The following GRIK4 variants were observed in gnomAD, a reference collection of about 807,000 sequenced individuals.
The protein encoded by GRIK4 is glutamate ionotropic receptor kainate type subunit 4.
GRIK4 carries 40 observed loss-of-function variants against 104.9 expected under a neutral mutation model. The ratio of observed to expected loss-of-function variants is 0.38; its 90% CI spans 0.30 to 0.50. The LOEUF (loss-of-function observed/expected upper bound fraction) is 0.50. Among genes scored for constraint, GRIK4 ranks in the 20% least tolerant of loss-of-function variants. The pLI, the probability that GRIK4 is intolerant of heterozygous loss-of-function variation, is 0.93. For missense variants in GRIK4, 1,047 were observed against 1,308.1 expected (o/e 0.80, Z 3.08); for synonymous variants, 485 against 524.9 (o/e 0.92, Z 1.04).
intron 3 of GRIK4, among the ~76,000 whole-genome samples, chr11:120,702,540 G>C (rs1222115988): frequency 6.6e-6 from 1 of 152,028 alleles, no homozygotes. Flanking sequence ...AAGAGGACAA[G>C]GACAGAGCTC....
rs1485463780 is a variant in GRIK4 at position 120,986,006 on chromosome 11, C to T, written c.2617C>T (p.Pro873Ser). Reference sequence around the variant, plus strand: ...GCGCGCCGCAGTCCCGCCGCCCCGGCCCCCCATCCCCGAGGAGCGCCGACC... The same window carrying T: ...GCGCGCCGCAGTCCCGCCGCCCCGGTCCCCCATCCCCGAGGAGCGCCGACC... ...RRRAAVPPPR[P>S]PIPEERRPRG... Residue 873 changes from proline to serine, a missense_variant, in exon 21 of 21, where the codon CCC becomes TCC. Around this residue, in one of 3 missense-constraint regions of GRIK4, gnomAD observed 160 missense variants for 140.9 expected, o/e 1.14. Coordinates refer to ENST00000527524, the MANE Select transcript of GRIK4 (RefSeq NM_014619.5). 2.2e-5 allele frequency: 34 copies of T among 1,528,290 alleles called. 1 individual carries two copies. In the East Asian group the frequency reaches 2.6e-4, roughly 12 times the overall value. The allele number at this position is 1,528,290 out of a possible 1,614,324, so 94.7% of individuals were successfully genotyped here.
At chr11:120,534,136 G>A (rs1440500196) in intron 1 of GRIK4, among the ~76,000 whole-genome samples, 5 of 152,170 alleles carry the variant, frequency 3.3e-5, no homozygotes, top group African/African-American at 1.2e-4. Context: ...AAAGGAGGTA[G>A]AATCGCAGGA....
chr11:120,863,082 C>T (rs1954304881), intron 9 of GRIK4, among the ~76,000 whole-genome samples: 1 of 152,182 alleles, frequency 6.6e-6, no homozygotes, highest in Admixed American at 6.5e-5. Context: ...TATTTTTAAC[C>T]TCTGTTCCAC....
At chr11:120,814,054 A>G (rs1310217351) in intron 4 of GRIK4, among the ~76,000 whole-genome samples, 1 of 152,124 alleles carries the variant, frequency 6.6e-6, no homozygotes, top group Non-Finnish European at 1.5e-5. Context: ...CTCTGATTAC[A>G]CATCCCATTC....
intron 1 of GRIK4, among the ~76,000 whole-genome samples, chr11:120,551,976 C>T (rs988723820): frequency 9.2e-5 from 14 of 152,100 alleles, no homozygotes; most frequent in Non-Finnish European, 1.3e-4. Flanking sequence ...CCTCACCCTA[C>T]GTATCTCTTC....
intron 8 of GRIK4, among the ~76,000 whole-genome samples, chr11:120,848,124 C>G (rs1953893525): frequency 6.6e-6 from 1 of 152,196 alleles, no homozygotes; most frequent in African/African-American, 2.4e-5. Flanking sequence ...GAGAAACTCC[C>G]TCCTGGAGGA....
At chr11:120,758,096 C>T (rs926399151) in intron 3 of GRIK4, among the ~76,000 whole-genome samples, 3 of 152,174 alleles carry the variant, frequency 2.0e-5, no homozygotes, top group African/African-American at 7.2e-5. Context: ...CCTTAAGGCT[C>T]AGTGCAGCAC....
At chr11:120,935,898 A>C (rs994748305) in intron 13 of GRIK4, among the ~76,000 whole-genome samples, 2 of 152,100 alleles carry the variant, frequency 1.3e-5, no homozygotes, top group Non-Finnish European at 2.9e-5. Flanking sequence ...AAAAAAAGAC[A>C]CTGTACAGTT....
At chr11:120,538,794 G>A (rs537931063) in intron 1 of GRIK4, among the ~76,000 whole-genome samples, 1 of 152,340 alleles carries the variant, frequency 6.6e-6, no homozygotes, top group South Asian at 2.1e-4. Context: ...TATTGACAAG[G>A]AAGTCTGTAG....
At chr11:120,837,606 C>A (rs1953607326) in intron 8 of GRIK4, among the ~76,000 whole-genome samples, 1 of 152,016 alleles carries the variant, frequency 6.6e-6, no homozygotes, top group Non-Finnish European at 1.5e-5. Flanking sequence ...GCACACAGCT[C>A]CAGAAATAGA....
At chr11:120,945,500 G>A (rs538918153) in intron 14 of GRIK4, among the ~76,000 whole-genome samples, 1 of 152,302 alleles carries the variant, frequency 6.6e-6, no homozygotes, top group Admixed American at 6.5e-5. Flanking sequence ...GAAGGAAGGA[G>A]GGCAGGCCAT....
chr11:120,824,696 T>G (rs1204076530), intron 6 of GRIK4, among the ~76,000 whole-genome samples: 1 of 151,682 alleles, frequency 6.6e-6, no homozygotes, highest in African/African-American at 2.4e-5. Flanking sequence ...ATTATAGGCA[T>G]GCACCACCAC....
intron 3 of GRIK4, among the ~76,000 whole-genome samples, chr11:120,792,369 G>A (rs956410260): frequency 2.0e-5 from 3 of 151,636 alleles, no homozygotes; most frequent in South Asian, 2.1e-4. Flanking sequence ...CTTGTGTGCC[G>A]TGCTGAGGAA....
intron 1 of GRIK4, among the ~76,000 whole-genome samples, chr11:120,627,255 A>G (rs1373260505): frequency 2.6e-5 from 4 of 152,244 alleles, no homozygotes; most frequent in Non-Finnish European, 5.9e-5. Context: ...ACAAGAAATT[A>G]TCATTCTCGC....
chr11:120,618,794 GAGT>G (rs1949147231), intron 1 of GRIK4, among the ~76,000 whole-genome samples: 1 of 152,258 alleles, frequency 6.6e-6, no homozygotes, highest in Admixed American at 6.5e-5. Context: ...CAGAGTGCAA[GAGT>G]TGAGGCTTGG....
Position 120,874,049 on chromosome 11 carries a change from TC to T in GRIK4, c.907-13del. 1 of 1,592,310 alleles carries T rather than the reference TC, an allele frequency of 6.3e-7. No individual in the cohort carries two copies. Among genetic ancestry groups the T allele is most frequent in the Non-Finnish European group, 8.6e-7 (1 of 1,162,512 alleles). ...CCTCTCACTCCCTCCCTCCGCCTGC[TC>T]CCCGGCCTCTCCCAGCTCTCCTCGG... On this transcript the variant is annotated splice_polypyrimidine_tract_variant and intron_variant, in intron 9 of 20. Coordinates refer to ENST00000527524, the MANE Select transcript of GRIK4 (RefSeq NM_014619.5).
At chr11:120,613,495 G>A (rs1028934604) in intron 1 of GRIK4, among the ~76,000 whole-genome samples, 4 of 152,240 alleles carry the variant, frequency 2.6e-5, no homozygotes, top group African/African-American at 9.6e-5. Flanking sequence ...GTTGTACAAG[G>A]CAAATAGCAC....
chr11:120,669,493 T>G (rs1343670104), intron 3 of GRIK4, among the ~76,000 whole-genome samples: 3 of 152,144 alleles, frequency 2.0e-5, no homozygotes, highest in African/African-American at 7.2e-5. Flanking sequence ...CTCTATTTCC[T>G]CTCCTCTCTC....
chr11:120,550,757 G>A (rs1948131806), intron 1 of GRIK4, among the ~76,000 whole-genome samples: 2 of 151,988 alleles, frequency 1.3e-5, no homozygotes, highest in South Asian at 4.2e-4. Context: ...TTTGACAACA[G>A]TGAGGTGGTC....
Sources: gnomAD v4.1 joint callset for allele counts (sites outside exome capture counted in the v4.1 genomes callset) on GRCh38, gnomAD v4.1.1 for gene constraint, gnomAD v4.1.1 regional missense constraint, MANE v1.5 for transcripts, NCBI Gene and HGNC (gene_info 2026-07-23, HGNC 2026-07-21) for gene names.